Variants in DMXL2 observed in about 807,000 individuals in gnomAD.
The protein encoded by DMXL2 is Dmx like 2, also known as dmX-like protein 2.
Under a neutral mutation model 331.1 loss-of-function variants are expected in DMXL2, and 103 were observed. The ratio of observed to expected loss-of-function variants is 0.31; its 90% CI spans 0.27 to 0.37. DMXL2 has a LOEUF of 0.37. Ranked by LOEUF, DMXL2 falls within the 10% of genes least tolerant of loss-of-function variation. The pLI, the probability that DMXL2 is intolerant of heterozygous loss-of-function variation, is 1.00. For synonymous variants in DMXL2, 1,281 were observed against 1,252.1 expected, an observed-to-expected ratio of 1.02 and a Z score of -0.49; for missense variants, 3,171 against 3,642.9, an observed-to-expected ratio of 0.87 and a Z score of 3.33.
At chr15:51,467,060 T>C (rs921536551) in intron 29 of DMXL2, among the ~76,000 whole-genome samples, 4 of 152,002 alleles carry the variant, frequency 2.6e-5, no homozygotes, top group African/African-American at 7.2e-5. Flanking sequence ...TAAATAATAA[T>C]GGAACAACTA....
chr15:51,605,188 G>T (rs1266455003), intron 1 of DMXL2, among the ~76,000 whole-genome samples: 1 of 151,930 alleles, frequency 6.6e-6, no homozygotes, highest in Non-Finnish European at 1.5e-5. Context: ...TACAACGGGG[G>T]AAAAAAACAT....
Position 51,495,097 on chromosome 15 carries a change from C to T in DMXL2, c.4710G>A (p.Leu1570=), listed in dbSNP as rs1360321597. 1.2e-6 allele frequency: 2 copies of T among 1,612,998 alleles called. No individual in the cohort carries two copies. The highest frequency in any genetic ancestry group is 1.7e-6 in the Non-Finnish European group (2 of 1,179,302). The change falls in exon 19 of 44, where the codon TTG becomes TTA. Residue 1570 remains leucine, a synonymous_variant. Transcript: ENST00000560891. ...DTLDECGLRY[L]LAMRLHTCLL... ...GGCATGTGTGTAGGCGCATAGCTAACAAGTATCTCAAACCACACTCATCTA... is the reference window on the plus strand; with the variant it reads ...GGCATGTGTGTAGGCGCATAGCTAATAAGTATCTCAAACCACACTCATCTA...
chr15:51,609,815 G>A (rs974441206), intron 1 of DMXL2, among the ~76,000 whole-genome samples: 1 of 151,960 alleles, frequency 6.6e-6, no homozygotes, highest in Admixed American at 6.6e-5. Context: ...TGTAATTCCA[G>A]CTATTTGGGA....
chr15:51,561,418 G>C (rs1212943883), intron 6 of DMXL2, among the ~76,000 whole-genome samples: 1 of 152,164 alleles, frequency 6.6e-6, no homozygotes, highest in Admixed American at 6.5e-5. Context: ...GTTGGTAGCA[G>C]AGGCTGTAGT....
intron 34 of DMXL2, chr15:51,459,028 T>C (rs368503121): frequency 8.3e-6 from 4 of 483,556 alleles, no homozygotes; most frequent in South Asian, 6.0e-5. Flanking sequence ...GATGGTAAGA[T>C]ACTGATTAAT....
Position 51,470,113 on chromosome 15 carries a change from A to C in DMXL2, c.7392+1110T>G, listed in dbSNP as rs528608067. Among the ~76,000 whole-genome samples, 5 of 152,290 alleles carry C rather than the reference A, an allele frequency of 3.3e-5. No homozygotes were observed. The East Asian group carries it at 9.7e-4, about 29-fold the overall frequency. The stretch of plus-strand genomic sequence containing the variant: ...TGCCGATGCTGCCGGTTCTGAGACC[A>C]CACTTTGAGAACCACTGACGTAACC... On this transcript the variant is annotated intron_variant, in intron 29 of 43. Transcript: ENST00000560891.
intron 1 of DMXL2, among the ~76,000 whole-genome samples, chr15:51,593,256 G>A (rs1294999149): frequency 1.3e-5 from 2 of 152,104 alleles, no homozygotes; most frequent in East Asian, 1.9e-4. Context: ...AAAGGCAGGG[G>A]TTGCAATCCT....
chr15:51,621,858 C>A lies in DMXL2; in HGVS notation c.87+601G>T, dbSNP rs568313596. ...CCACTGTGACTCTAACCTTTCCATT[C>A]TAAATCTTTCGGGCGCGGAGGATGA... is the stretch of plus-strand genomic sequence containing the variant. On this transcript the variant is annotated intron_variant, in intron 1 of 43. Transcript: ENST00000560891. 1.3e-3 allele frequency among the ~76,000 whole-genome samples: 203 copies of A among 152,136 alleles called. 2 individuals are homozygous for A. The highest frequency in any genetic ancestry group is 1.5e-3 in the Non-Finnish European group (103 of 68,038).
In DMXL2 at chr15:51,498,598, A is replaced by G. The variant is rs1272913555; in HGVS notation, c.4626T>C (p.Ala1542=). 4 of 1,614,106 alleles carry G rather than the reference A, an allele frequency of 2.5e-6. No individual in the cohort carries two copies. The South Asian group carries it at 4.4e-5, about 18-fold the overall frequency. ...MFLVALADTV[A]TTSTELDESR... ...TTTCATCAAGCTCAGTACTAGTAGT[A>G]GCCACTGTATCAGCCAAAGCTACAA... Residue 1542 remains alanine, a synonymous_variant, in exon 18 of 44, where the codon GCT becomes GCC. Transcript: ENST00000560891.
intron 14 of DMXL2, among the ~76,000 whole-genome samples, chr15:51,515,036 G>A (rs573182708): frequency 1.3e-5 from 2 of 152,124 alleles, no homozygotes; most frequent in East Asian, 1.9e-4. Flanking sequence ...AAAGCTCCTC[G>A]AAGTATCCCA....
chr15:51,566,230 G>GT (rs1327725311), intron 3 of DMXL2, among the ~76,000 whole-genome samples: 11 of 115,462 alleles, frequency 9.5e-5, no homozygotes, highest in African/African-American at 1.7e-4. Flanking sequence ...ATGTGTGTGT[G>GT]GGGTGTGTGT....
Position 51,486,090 on chromosome 15 carries a change from T to C in DMXL2, c.5465A>G (p.Glu1822Gly). The change falls in exon 23 of 44, where the codon GAG becomes GGG. Residue 1822 changes from glutamate (E) to glycine (G), a missense_variant. Physicochemically the swap from Glu to Gly is moderately conservative, Grantham distance 98 (BLOSUM62 -2). Coordinates refer to ENST00000560891, the MANE Select transcript of DMXL2 (RefSeq NM_001378457.1). Reference protein sequence around the residue: ...LDTLLEQTPKEDDEHQVIIKS... With the variant: ...LDTLLEQTPKGDDEHQVIIKS... ...CGTCCTACCTTGATGTTCATCATCC[T>C]CCTTTGGTGTTTGTTCCAGTAATGT... 6.2e-7 allele frequency: 1 copy of C among 1,601,558 alleles called. No individual in the cohort carries two copies. The highest frequency in any genetic ancestry group is 8.5e-7 in the Non-Finnish European group (1 of 1,172,034).
intron 1 of DMXL2, among the ~76,000 whole-genome samples, chr15:51,616,855 T>C (rs2054312397): frequency 6.7e-6 from 1 of 149,618 alleles, no homozygotes; most frequent in Non-Finnish European, 1.5e-5. Flanking sequence ...GAGAATCGCT[T>C]GAACCTAGGA....
At chr15:51,575,981 T>A in intron 2 of DMXL2, 75 bp downstream of exon 2, 1 of 1,428,768 alleles carries the variant, frequency 7.0e-7, no homozygotes, top group East Asian at 2.3e-5. Flanking sequence ...AAGCTTTGCA[T>A]AAAAGGATAA....
chr15:51,604,303 A>C (rs964438301), intron 1 of DMXL2, among the ~76,000 whole-genome samples: 4 of 139,706 alleles, frequency 2.9e-5, no homozygotes, highest in African/African-American at 1.1e-4. Context: ...TGCAATAAGG[A>C]AAAAAAAAAA....
chr15:51,528,466 T>G (rs2047809735), intron 13 of DMXL2, among the ~76,000 whole-genome samples: 1 of 152,130 alleles, frequency 6.6e-6, no homozygotes, highest in South Asian at 2.1e-4. Flanking sequence ...AGTATCATTA[T>G]TTTCTGATAC....
intron 15 of DMXL2, among the ~76,000 whole-genome samples, chr15:51,510,730 G>C (rs1479621167): frequency 6.6e-6 from 1 of 152,116 alleles, no homozygotes; most frequent in African/African-American, 2.4e-5. Context: ...AGCCCTCGTA[G>C]CCAAGACAAA....
chr15:51,536,677 T>A lies in DMXL2; in HGVS notation c.1803A>T (p.Thr601=), dbSNP rs762689859. 1 of 1,614,146 alleles carries A rather than the reference T, an allele frequency of 6.2e-7. No individual in the cohort carries two copies. ...CTGTGGGAGCTAAGATGTTCATATG[T>A]GTACTGTGGGATCTAGAGTGTGGCT... ...GSQPHSRSHS[T]HMNILAPTVM... is the part of the protein sequence containing the mutation. The change falls in exon 12 of 44, where the codon ACA becomes ACT. Residue 601 remains threonine (T), a synonymous_variant. Transcript: ENST00000560891.
chr15:51,484,990 T>C (rs2042281913), intron 23 of DMXL2, among the ~76,000 whole-genome samples: 1 of 148,110 alleles, frequency 6.8e-6, no homozygotes, highest in Admixed American at 6.7e-5. Flanking sequence ...GAAGAAAGAA[T>C]TTCTGAACTT....
Sources: allele counts gnomAD v4.1 joint callset (sites outside exome capture counted in the v4.1 genomes callset), GRCh38; gene constraint gnomAD v4.1.1; transcripts MANE v1.5; gene names NCBI Gene and HGNC (gene_info 2026-07-23, HGNC 2026-07-21).